The following PRUNE2 variants were observed in gnomAD, a reference collection of about 807,000 sequenced individuals.
PRUNE2 encodes protein prune homolog 2.
In PRUNE2, 164 loss-of-function variants were observed where a neutral mutation model predicts 252.0. That is an observed-to-expected ratio of 0.65 (90% CI 0.57 to 0.74). The LOEUF (loss-of-function observed/expected upper bound fraction) is 0.74, where lower values mean the gene tolerates loss of function less well. Ranked by LOEUF, PRUNE2 falls within the 30% of genes least tolerant of loss-of-function variation. The pLI is 0.00. For synonymous variants in PRUNE2, 1,292 were observed against 1,350.2 expected, an observed-to-expected ratio of 0.96 and a Z score of 0.94; for missense variants, 3,495 against 3,711.0, an observed-to-expected ratio of 0.94 and a Z score of 1.51.
intron 16 of PRUNE2, chr9:76,627,765 C>T (rs1397680049): frequency 7.8e-6 from 2 of 256,898 alleles, no homozygotes; most frequent in Admixed American, 5.0e-5. Context: ...TTTGAATTTC[C>T]GTTCCATCTC....
chr9:76,837,480 T>G (rs2059090531), intron 4 of PRUNE2, among the ~76,000 whole-genome samples: 2 of 32,014 alleles, frequency 6.2e-5, no homozygotes, highest in South Asian at 1.1e-3. Context: ...ATAATAATGC[T>G]ATTAAAGCAA....
At chr9:76,850,401 C>T in intron 3 of PRUNE2, 62 bp downstream of exon 3, 1 of 1,310,330 alleles carries the variant, frequency 7.6e-7, no homozygotes, top group South Asian at 1.2e-5. Flanking sequence ...AGTAAAGTGA[C>T]ACTTTGCCCA....
chr9:76,629,350 G>A, intron 15 of PRUNE2, 60 bp from the exon 16 acceptor site: 6 of 871,094 alleles, frequency 6.9e-6, no homozygotes, highest in Non-Finnish European at 1.0e-5. Context: ...CCATTCTAAG[G>A]CTATTGCCTT....
At chr9:76,734,375 T>C (rs2048895448) in intron 6 of PRUNE2, among the ~76,000 whole-genome samples, 1 of 152,154 alleles carries the variant, frequency 6.6e-6, no homozygotes, top group Non-Finnish European at 1.5e-5. Context: ...AAAAAGATGG[T>C]GAGATAGTGA....
chr9:76,906,097 G>A lies in PRUNE2; in HGVS notation c.-134C>T. 1 of 975,236 alleles carries A rather than the reference G, an allele frequency of 1.0e-6. No homozygotes were observed. Among genetic ancestry groups the A allele is most frequent in the Non-Finnish European group, 1.6e-6 (1 of 614,948 alleles). The allele number at this position is 975,236 out of a possible 1,614,324, so 60.4% of individuals were successfully genotyped here. A position where few individuals can be genotyped will look rare whatever the true frequency, so the allele number is the denominator to read the frequency against. Reference sequence around the variant, plus strand: ...ACCGACTGCTCCCTCCTGCCGCTCTGAGGCGGCTGCGGCGGAGGCTGTGCT... The same window carrying A: ...ACCGACTGCTCCCTCCTGCCGCTCTAAGGCGGCTGCGGCGGAGGCTGTGCT... On this transcript the variant is annotated 5_prime_UTR_variant, in exon 1 of 19. Transcript: ENST00000376718.
chr9:76,616,649 A>G (rs1403160973), intron 18 of PRUNE2, among the ~76,000 whole-genome samples: 1 of 152,214 alleles, frequency 6.6e-6, no homozygotes, highest in Non-Finnish European at 1.5e-5. Context: ...CTCAAAAGCT[A>G]AAAGACTGGA....
intron 5 of PRUNE2, among the ~76,000 whole-genome samples, chr9:76,824,747 G>A (rs1419931457): frequency 6.6e-6 from 1 of 152,196 alleles, no homozygotes; most frequent in Non-Finnish European, 1.5e-5. Context: ...TAAGGCTTCA[G>A]AGACCACTGC....
At chr9:76,738,777 T>G (rs1008362523) in intron 6 of PRUNE2, 1 of 152,224 alleles carries the variant, frequency 6.6e-6, no homozygotes, top group Non-Finnish European at 1.5e-5. Context: ...TTCCTTCTTC[T>G]TCTGAGTAAC....
intron 4 of PRUNE2, among the ~76,000 whole-genome samples, chr9:76,842,465 A>G (rs1248767034): frequency 6.6e-6 from 1 of 150,734 alleles, no homozygotes; most frequent in Non-Finnish European, 1.5e-5. Flanking sequence ...AAGCAATGGC[A>G]ACAAAAGCCA....
At chr9:76,737,112 A>G (rs2049143102) in intron 6 of PRUNE2, 1 of 152,208 alleles carries the variant, frequency 6.6e-6, no homozygotes, top group Non-Finnish European at 1.5e-5. Flanking sequence ...TTCCTTCTTG[A>G]TGAGATAAAA....
At chr9:76,734,322 G>A (rs1588917354) in intron 6 of PRUNE2, among the ~76,000 whole-genome samples, 1 of 152,206 alleles carries the variant, frequency 6.6e-6, no homozygotes, top group Non-Finnish European at 1.5e-5. Context: ...GGTGGTACAA[G>A]CACAAAAAAA....
chr9:76,760,987 G>A (rs1352368343), intron 6 of PRUNE2, among the ~76,000 whole-genome samples: 2 of 151,578 alleles, frequency 1.3e-5, no homozygotes, highest in African/African-American at 4.9e-5. Context: ...TTGGGAGGCT[G>A]AGGCACGAGA....
chr9:76,773,863 T>TA (rs2053403074), intron 6 of PRUNE2, among the ~76,000 whole-genome samples: 1 of 152,068 alleles, frequency 6.6e-6, no homozygotes, highest in Non-Finnish European at 1.5e-5. Flanking sequence ...TTAATTTTGG[T>TA]AAAAATAACC....
chr9:76,889,396 C>T (rs1005623829), intron 1 of PRUNE2, among the ~76,000 whole-genome samples: 1 of 151,760 alleles, frequency 6.6e-6, no homozygotes, highest in Non-Finnish European at 1.5e-5. Context: ...TCTTGGCTCA[C>T]TACAACCTCG....
At chr9:76,649,608 TAGATGATAGATA>T (rs1219564994) in intron 11 of PRUNE2, among the ~76,000 whole-genome samples, 4 of 96,052 alleles carry the variant, frequency 4.2e-5, no homozygotes, top group African/African-American at 2.0e-4. Flanking sequence ...GATAGATAGA[TAGATGATAGATA>T]GATAGATAGA....
At chr9:76,750,766 G>T (rs1331078819) in intron 6 of PRUNE2, among the ~76,000 whole-genome samples, 1 of 152,214 alleles carries the variant, frequency 6.6e-6, no homozygotes, top group Non-Finnish European at 1.5e-5. Flanking sequence ...TGTTGAGTTT[G>T]AGGCGCTTGT....
intron 6 of PRUNE2, among the ~76,000 whole-genome samples, chr9:76,727,216 A>C (rs1564162253): frequency 6.6e-6 from 1 of 152,210 alleles, no homozygotes; most frequent in Non-Finnish European, 1.5e-5. Flanking sequence ...AAATCACCCC[A>C]GTTAAGAACC....
intron 2 of PRUNE2, among the ~76,000 whole-genome samples, chr9:76,852,107 C>A (rs762679526): frequency 1.3e-5 from 2 of 152,154 alleles, no homozygotes; most frequent in Non-Finnish European, 2.9e-5. Context: ...GTGTATAAAC[C>A]AGTCTGGCAC....
At chr9:76,694,936 T>C (rs1354429421) in intron 9 of PRUNE2, among the ~76,000 whole-genome samples, 2 of 152,154 alleles carry the variant, frequency 1.3e-5, no homozygotes, top group Admixed American at 1.3e-4. Flanking sequence ...AAAATAAATA[T>C]AAAAAGGTCT....
Sources: gnomAD v4.1 joint callset for allele counts (sites outside exome capture counted in the v4.1 genomes callset) on GRCh38, gnomAD v4.1.1 for gene constraint, MANE v1.5 for transcripts, NCBI Gene and HGNC (gene_info 2026-07-23, HGNC 2026-07-21) for gene names.